MACC1: variants seen among roughly 807,000 people sequenced by gnomAD.
The protein encoded by MACC1 is metastasis-associated in colon cancer protein 1.
Under a neutral mutation model 70.7 loss-of-function variants are expected in MACC1, and 79 were observed. The ratio of observed to expected loss-of-function variants is 1.12; its 90% CI spans 0.93 to 1.35. MACC1 has a LOEUF of 1.35. MACC1 is among the 40% of genes most tolerant of loss of function. The probability of loss-of-function intolerance (pLI) is 0.00; values close to 1 mark genes in which losing one functional copy is unlikely to be tolerated. For synonymous variants in MACC1, 361 were observed against 347.2 expected (o/e 1.04, Z -0.44); for missense variants, 1,106 against 978.1 (o/e 1.13, Z -1.74).
rs965237219 is a variant in MACC1, at chr7:20,134,685, A to T, written c.*6261T>A. On this transcript the variant is annotated 3_prime_UTR_variant, in exon 7 of 7. Transcript: ENST00000400331. Reference sequence around the variant, plus strand: ...TTTTTCAATGACTCACTCTATTTTCATGAACAAGTTAAATGCCCCAGTAAA... The same window carrying T: ...TTTTTCAATGACTCACTCTATTTTCTTGAACAAGTTAAATGCCCCAGTAAA... The T allele has an allele frequency of 2.6e-5, 4 of 152,242 alleles. No individual in the cohort carries two copies. The highest frequency in any genetic ancestry group is 9.6e-5 in the African/African-American group (4 of 41,468). The allele number at this position is 152,242 out of a possible 1,614,324, so 9.4% of individuals were successfully genotyped here.
chr7:20,174,312 G>A (rs758368422), intron 1 of MACC1, among the ~76,000 whole-genome samples: 34 of 152,106 alleles, frequency 2.2e-4, no homozygotes, highest in Admixed American at 9.8e-4. Flanking sequence ...AATATTTCAG[G>A]GGAAGGAATG....
intron 2 of MACC1, among the ~76,000 whole-genome samples, chr7:20,167,024 G>T (rs976435247): frequency 8.6e-5 from 13 of 152,008 alleles, no homozygotes; most frequent in African/African-American, 3.1e-4. Context: ...TACACAAAAG[G>T]AATATCTTGG....
In MACC1 at chr7:20,174,875, G is replaced by T. The variant is rs182646901; in HGVS notation, c.-217-4097C>A. Among the ~76,000 whole-genome samples the T allele has an allele frequency of 3.2e-4, 48 of 151,946 alleles. 3 individuals are homozygous for T. The highest frequency in any genetic ancestry group is 1.1e-3 in the African/African-American group (44 of 41,480). ...AAAAATGTATTTGTTATTTTGTATT[G>T]CTTTTGCAAAATCCTTTACTACCAT... is the stretch of plus-strand genomic sequence containing the variant. On this transcript the variant is annotated intron_variant, in intron 1 of 6. Coordinates refer to ENST00000400331, the MANE Select transcript of MACC1 (RefSeq NM_182762.4).
intron 1 of MACC1, among the ~76,000 whole-genome samples, chr7:20,176,710 G>T (rs539747202): frequency 6.6e-6 from 1 of 152,198 alleles, no homozygotes; most frequent in South Asian, 2.1e-4. Flanking sequence ...TTAAAGAACT[G>T]TGTTACACCC....
intron 1 of MACC1, among the ~76,000 whole-genome samples, chr7:20,210,820 T>C (rs1439593329): frequency 2.0e-5 from 3 of 152,200 alleles, no homozygotes; most frequent in Non-Finnish European, 4.4e-5. Flanking sequence ...ATTAACTTTC[T>C]CAAAAATATT....
intron 1 of MACC1, among the ~76,000 whole-genome samples, chr7:20,216,598 A>C (rs1449140033): frequency 6.6e-6 from 1 of 152,088 alleles, no homozygotes; most frequent in Admixed American, 6.6e-5. Context: ...TGAATCATCC[A>C]GTATTTGTCT....
intron 1 of MACC1, among the ~76,000 whole-genome samples, chr7:20,202,874 T>C (rs542821474): frequency 6.6e-6 from 1 of 152,374 alleles, no homozygotes; most frequent in Admixed American, 6.5e-5. Context: ...TAGTCTAAAT[T>C]CATTAATTCT....
At chr7:20,183,407 G>C (rs905187626) in intron 1 of MACC1, among the ~76,000 whole-genome samples, 16 of 152,168 alleles carry the variant, frequency 1.1e-4, no homozygotes, top group African/African-American at 3.9e-4. Flanking sequence ...GCCTCCATAG[G>C]AGAATTCGGT....
chr7:20,143,675 C>G (rs1294210884), intron 6 of MACC1, among the ~76,000 whole-genome samples: 2 of 152,170 alleles, frequency 1.3e-5, no homozygotes, highest in African/African-American at 2.4e-5. Context: ...AGGCATGAGC[C>G]ACCACGCCCA....
chr7:20,146,400 T>G (rs781087253), intron 6 of MACC1, among the ~76,000 whole-genome samples: 3 of 152,324 alleles, frequency 2.0e-5, no homozygotes, highest in Middle Eastern at 3.4e-3. Flanking sequence ...AGAGGTAATT[T>G]GTGTACATTA....
intron 1 of MACC1, among the ~76,000 whole-genome samples, chr7:20,207,363 C>A (rs1267657024): frequency 6.6e-6 from 1 of 151,230 alleles, no homozygotes; most frequent in African/African-American, 2.4e-5. Context: ...TGTTGGCCAG[C>A]CTGGTCTCAA....
chr7:20,188,147 T>G (rs574008984), intron 1 of MACC1, among the ~76,000 whole-genome samples: 1 of 152,220 alleles, frequency 6.6e-6, no homozygotes, highest in South Asian at 2.1e-4. Flanking sequence ...GGAAAAACCA[T>G]CCCCATGATT....
chr7:20,145,116 G>C (rs1583379141), intron 6 of MACC1, among the ~76,000 whole-genome samples: 3 of 152,130 alleles, frequency 2.0e-5, no homozygotes, highest in African/African-American at 7.2e-5. Flanking sequence ...TTTACACTAA[G>C]AACATTAACA....
chr7:20,177,211 C>G (rs1782407268), intron 1 of MACC1, among the ~76,000 whole-genome samples: 1 of 152,070 alleles, frequency 6.6e-6, no homozygotes. Context: ...AGTCAAAAAA[C>G]CGGAAATACA....
intron 1 of MACC1, among the ~76,000 whole-genome samples, chr7:20,182,645 G>A (rs901287513): frequency 3.9e-5 from 6 of 152,118 alleles, no homozygotes; most frequent in Non-Finnish European, 7.3e-5. Flanking sequence ...AGTGCGAAGA[G>A]TTGCCTGTCT....
intron 1 of MACC1, among the ~76,000 whole-genome samples, chr7:20,207,547 A>T (rs777343483): frequency 2.0e-5 from 3 of 152,226 alleles, no homozygotes; most frequent in Non-Finnish European, 2.9e-5. Context: ...CTAGAAATTT[A>T]TCTTTAAAAT....
At chr7:20,204,183 C>T (rs904633744) in intron 1 of MACC1, among the ~76,000 whole-genome samples, 3 of 152,084 alleles carry the variant, frequency 2.0e-5, no homozygotes, top group African/African-American at 4.8e-5. Flanking sequence ...GAGATGGAGT[C>T]TTGCTCTGTT....
chr7:20,205,255 A>C (rs1782894485), intron 1 of MACC1, among the ~76,000 whole-genome samples: 1 of 152,244 alleles, frequency 6.6e-6, no homozygotes, highest in Admixed American at 6.5e-5. Context: ...GCATACAATT[A>C]AAGTTAGGTG....
intron 2 of MACC1, among the ~76,000 whole-genome samples, chr7:20,168,196 G>A (rs1224064153): frequency 6.6e-6 from 1 of 151,252 alleles, no homozygotes; most frequent in East Asian, 1.9e-4. Context: ...AATATGTTGA[G>A]AAATTTACAA....
Sources: gnomAD v4.1 joint callset for allele counts (sites outside exome capture counted in the v4.1 genomes callset) on GRCh38, gnomAD v4.1.1 for gene constraint, MANE v1.5 for transcripts, NCBI Gene and HGNC (gene_info 2026-07-23, HGNC 2026-07-21) for gene names.